The following RPRD1A variants were observed in gnomAD, a reference collection of about 807,000 sequenced individuals.
RPRD1A encodes the protein regulation of nuclear pre-mRNA domain containing 1A.
In RPRD1A, 9 loss-of-function variants were observed where a neutral mutation model predicts 37.8. The ratio of observed to expected loss-of-function variants is 0.24; its 90% CI spans 0.14 to 0.42. RPRD1A has a LOEUF of 0.42. Among genes scored for constraint, RPRD1A ranks in the 10% least tolerant of loss-of-function variants. The pLI is 1.00. For synonymous variants in RPRD1A, 138 were observed against 139.7 expected, an observed-to-expected ratio of 0.99 and a Z score of 0.08; for missense variants, 255 against 371.0, an observed-to-expected ratio of 0.69 and a Z score of 2.57.
intron 6 of RPRD1A, among the ~76,000 whole-genome samples, chr18:35,999,980 G>A (rs1328689895): frequency 1.3e-5 from 2 of 152,004 alleles, no homozygotes; most frequent in African/African-American, 4.8e-5. Context: ...TTCATGTCCT[G>A]GAATTGGGCC....
At chr18:36,043,516 AGT>A (rs1912745935) in intron 1 of RPRD1A, among the ~76,000 whole-genome samples, 1 of 152,252 alleles carries the variant, frequency 6.6e-6, no homozygotes, top group Non-Finnish European at 1.5e-5. Flanking sequence ...CTTCAATTTC[AGT>A]ATATGCAACA....
At chr18:36,043,893 C>T (rs1356657623) in intron 1 of RPRD1A, among the ~76,000 whole-genome samples, 1 of 152,080 alleles carries the variant, frequency 6.6e-6, no homozygotes, top group Non-Finnish European at 1.5e-5. Context: ...AGTAAAAAAC[C>T]CATGTATAAC....
chr18:35,994,216 T>C (rs968298404), intron 6 of RPRD1A, among the ~76,000 whole-genome samples: 1 of 152,172 alleles, frequency 6.6e-6, no homozygotes, highest in Non-Finnish European at 1.5e-5. Flanking sequence ...CCACAGTGCA[T>C]GGCACAAGGC....
intron 6 of RPRD1A, among the ~76,000 whole-genome samples, chr18:36,021,853 T>C (rs1427474091): frequency 5.3e-5 from 8 of 152,048 alleles, no homozygotes; most frequent in African/African-American, 1.9e-4. Flanking sequence ...ATTTTAAAAT[T>C]AGCCAGGCAT....
chr18:36,049,138 G>T (rs1432144345), intron 1 of RPRD1A, among the ~76,000 whole-genome samples: 1 of 152,098 alleles, frequency 6.6e-6, no homozygotes, highest in Non-Finnish European at 1.5e-5. Flanking sequence ...CTGACCTCAG[G>T]TGATCCACCC....
chr18:36,025,321 G>T, intron 6 of RPRD1A: 1 of 228,054 alleles, frequency 4.4e-6, no homozygotes, highest in Admixed American at 5.2e-5. Context: ...CTTATGTGAA[G>T]TGCCTAGAAT....
chr18:36,043,127 G>GTA (rs1281705438), intron 1 of RPRD1A, among the ~76,000 whole-genome samples: 2 of 127,884 alleles, frequency 1.6e-5, no homozygotes, highest in East Asian at 5.0e-4. Flanking sequence ...CAAAGACATA[G>GTA]TATTAAGTTA....
chr18:35,999,083 CTACTA>C (rs36084007), intron 6 of RPRD1A, among the ~76,000 whole-genome samples: 25,690 of 152,092 alleles, frequency 0.17, 2,271 homozygotes, highest in East Asian at 0.25. Flanking sequence ...CTATGATATA[CTACTA>C]TACAAGTTAT....
chr18:35,997,971 C>A (rs928870315), intron 6 of RPRD1A, among the ~76,000 whole-genome samples: 2 of 152,284 alleles, frequency 1.3e-5, no homozygotes, highest in African/African-American at 2.4e-5. Flanking sequence ...ATATTTAAAT[C>A]AACTCATTTT....
rs536875939 is a variant in RPRD1A, at chr18:36,034,380, T to C, written c.152-543A>G. 1.6e-3 allele frequency among the ~76,000 whole-genome samples: 242 copies of C among 152,316 alleles called. 1 individual carries two copies. Among genetic ancestry groups the C allele is most frequent in the Non-Finnish European group, 2.5e-3 (173 of 68,010 alleles). The stretch of plus-strand genomic sequence containing the variant: ...TAGATGTTTCTGTCTTTAGATTACA[T>C]GGCCATAAATTTTAAACTGAATTCA... On this transcript the variant is annotated intron_variant, in intron 1 of 6. Coordinates refer to ENST00000399022, the MANE Select transcript of RPRD1A (RefSeq NM_018170.5).
rs1225073951 is a variant in RPRD1A, at chr18:36,049,958, G to A, written c.152-16121C>T. On this transcript the variant is annotated intron_variant, in intron 1 of 6. Coordinates refer to ENST00000399022, the MANE Select transcript of RPRD1A (RefSeq NM_018170.5). The stretch of plus-strand genomic sequence containing the variant: ...AGCAATGTGCCAGGGTTCTTGTTTT[G>A]ACATCCTCACTAACATTTGTTATTT... Among the ~76,000 whole-genome samples, 3 of 152,080 alleles carry A rather than the reference G, an allele frequency of 2.0e-5. No homozygotes were observed. In the East Asian group the frequency reaches 5.8e-4, roughly 29 times the overall value.
Position 36,008,569 on chromosome 18 carries a change from T to TATATATATATATATATATA in RPRD1A, c.790-15270_790-15269insTATATATATATATATATAT, listed in dbSNP as rs1555670660. 4.6e-3 allele frequency among the ~76,000 whole-genome samples: 259 copies of TATATATATATATATATATA among 56,044 alleles called. 11 individuals carry two copies. Among genetic ancestry groups the TATATATATATATATATATA allele is most frequent in the Middle Eastern group, 7.5e-3 (1 of 134 alleles). The allele number at this position is 56,044 out of a possible 152,430, so 36.8% of individuals were successfully genotyped here. On this transcript the variant is annotated intron_variant, in intron 6 of 6. Coordinates refer to ENST00000399022, the MANE Select transcript of RPRD1A (RefSeq NM_018170.5). Reference sequence around the variant, plus strand: ...CTAGCCTGGGCGACACAGCAAGACCTTGTGTGTGTATATATATATATCTTT... The same window carrying TATATATATATATATATATA: ...CTAGCCTGGGCGACACAGCAAGACCTATATATATATATATATATATGTGTGTGTATATATATATATCTTT...
rs907487595 is a variant in RPRD1A at position 36,038,562 on chromosome 18, C to T, written c.152-4725G>A. On this transcript the variant is annotated intron_variant, in intron 1 of 6. Transcript: ENST00000399022. Reference sequence around the variant, plus strand: ...ATGGAGAATCTCTGCTGGGGCAGTGCGTAGGGGAAATGTGGGATTGGAGCT... The same window carrying T: ...ATGGAGAATCTCTGCTGGGGCAGTGTGTAGGGGAAATGTGGGATTGGAGCT... 2.3e-4 allele frequency among the ~76,000 whole-genome samples: 35 copies of T among 152,294 alleles called. 1 individual carries two copies. Among genetic ancestry groups the T allele is most frequent in the Non-Finnish European group, 2.6e-4 (18 of 68,012 alleles).
At chr18:36,051,824 A>G (rs1488033532) in intron 1 of RPRD1A, among the ~76,000 whole-genome samples, 1 of 152,196 alleles carries the variant, frequency 6.6e-6, no homozygotes, top group Non-Finnish European at 1.5e-5. Context: ...AAGAATGAAG[A>G]AAAATGAACA....
intron 6 of RPRD1A, chr18:36,025,804 G>T: frequency 3.2e-6 from 1 of 317,178 alleles, no homozygotes; most frequent in South Asian, 3.1e-5. Context: ...TAAAATTGAG[G>T]TTTCATCACA....
At chr18:36,023,719 A>C (rs180816195) in intron 6 of RPRD1A, among the ~76,000 whole-genome samples, 1 of 152,212 alleles carries the variant, frequency 6.6e-6, no homozygotes, top group Admixed American at 6.5e-5. Flanking sequence ...TCACCACCCT[A>C]ATCAGTCAAC....
At chr18:36,027,145 A>C in intron 5 of RPRD1A, 39 bp downstream of exon 5, 2 of 1,612,516 alleles carry the variant, frequency 1.2e-6, no homozygotes, top group Admixed American at 1.7e-5. Flanking sequence ...TCTCATCCCA[A>C]CTCCCAAAAA....
intron 6 of RPRD1A, among the ~76,000 whole-genome samples, chr18:36,006,547 T>G (rs112941901): frequency 5.7e-4 from 87 of 152,226 alleles, no homozygotes; most frequent in Non-Finnish European, 9.1e-4. Context: ...ACCCCCGCAG[T>G]GTATAGAAAT....
intron 6 of RPRD1A, among the ~76,000 whole-genome samples, chr18:36,015,730 A>C (rs759557416): frequency 1.3e-5 from 2 of 152,236 alleles, no homozygotes; most frequent in African/African-American, 4.8e-5. Context: ...AAAAGAGAAT[A>C]CTGTATGCTT....
Sources: gnomAD v4.1 joint callset for allele counts (sites outside exome capture counted in the v4.1 genomes callset) on GRCh38, gnomAD v4.1.1 for gene constraint, MANE v1.5 for transcripts, NCBI Gene and HGNC (gene_info 2026-07-23, HGNC 2026-07-21) for gene names.